The following KCND3 variants were observed in gnomAD, a reference collection of about 807,000 sequenced individuals.
KCND3 encodes A-type voltage-gated potassium channel KCND3.
In KCND3, 9 loss-of-function variants were observed where a neutral mutation model predicts 51.1. The ratio of observed to expected loss-of-function variants is 0.18; its 90% confidence interval spans 0.11 to 0.31. KCND3 has a LOEUF of 0.31. KCND3 is among the 10% of genes least tolerant of loss of function. The probability of loss-of-function intolerance (pLI) is 1.00; values close to 1 mark genes in which losing one functional copy is unlikely to be tolerated. For synonymous variants in KCND3, 349 were observed against 368.0 expected, an observed-to-expected ratio of 0.95 and a Z score of 0.59; for missense variants, 526 against 903.8, an observed-to-expected ratio of 0.58 and a Z score of 5.36.
At chr1:111,870,239 G>T (rs542579140) in intron 2 of KCND3, among the ~76,000 whole-genome samples, 2 of 152,230 alleles carry the variant, frequency 1.3e-5, no homozygotes, top group Non-Finnish European at 2.9e-5. Context: ...TACTGCCACA[G>T]CTCCAACTAA....
chr1:111,917,376 A>G (rs1671268358), intron 2 of KCND3, among the ~76,000 whole-genome samples: 1 of 152,230 alleles, frequency 6.6e-6, no homozygotes, highest in Admixed American at 6.5e-5. Context: ...ACTGAATTAC[A>G]AGGACTGCAC....
intron 2 of KCND3, among the ~76,000 whole-genome samples, chr1:111,895,554 C>A (rs1227715575): frequency 2.0e-5 from 3 of 152,238 alleles, no homozygotes; most frequent in African/African-American, 7.2e-5. Flanking sequence ...ATTTTCTCGT[C>A]CCCGGGGAGC....
At position 111,773,911 on chromosome 1, in the gene KCND3, A is replaced by G. The variant is rs1001963101; in HGVS notation, c.*2166T>C. On this transcript the variant is annotated 3_prime_UTR_variant, in exon 8 of 8. Transcript: ENST00000302127. ...TGTGTATATGAAGTGAATTGATTTA[A>G]GTATGTATTCTCTGATGTGTTTAGG... 22 of 152,068 alleles carry G rather than the reference A, an allele frequency of 1.4e-4. No individual in the cohort carries two copies. The highest frequency in any genetic ancestry group is 5.3e-4 in the African/African-American group (22 of 41,412). The allele number at this position is 152,068 out of a possible 1,614,324, so 9.4% of individuals were successfully genotyped here.
intron 2 of KCND3, among the ~76,000 whole-genome samples, chr1:111,888,597 G>T (rs917453476): frequency 6.7e-6 from 1 of 149,382 alleles, no homozygotes; most frequent in African/African-American, 2.5e-5. Context: ...AAGGAGAATC[G>T]CTTGAACCCA....
chr1:111,849,914 T>A (rs1667730363), intron 2 of KCND3, among the ~76,000 whole-genome samples: 1 of 152,114 alleles, frequency 6.6e-6, no homozygotes, highest in African/African-American at 2.4e-5. Context: ...TGTGACAGGA[T>A]TCTGGATCTG....
chr1:111,951,342 C>T (rs1377788102), intron 2 of KCND3, among the ~76,000 whole-genome samples: 2 of 152,100 alleles, frequency 1.3e-5, no homozygotes, highest in African/African-American at 4.8e-5. Context: ...TTCTCCTGCA[C>T]CACCTTGCCC....
In KCND3 at chr1:111,773,877, C is replaced by T. The variant is rs1329872783; in HGVS notation, c.*2200G>A. Reference sequence around the variant, plus strand: ...TCTAAGTGAAGTTTAGCTTGGTCTTCTAATGAGATGTGTATATGAAGTGAA... The same window carrying T: ...TCTAAGTGAAGTTTAGCTTGGTCTTTTAATGAGATGTGTATATGAAGTGAA... On this transcript the variant is annotated 3_prime_UTR_variant, in exon 8 of 8. Transcript: ENST00000302127. 1 of 152,108 alleles carries T rather than the reference C, an allele frequency of 6.6e-6. No homozygotes were observed. Among genetic ancestry groups the T allele is most frequent in the Non-Finnish European group, 1.5e-5 (1 of 68,024 alleles). 9.4% of individuals were successfully genotyped at this position (152,108 alleles called of 1,614,324 possible).
Position 111,777,192 on chromosome 1 carries a change from G to A in KCND3, c.1600C>T (p.Pro534Ser), listed in dbSNP as rs1447493103. 6.2e-7 allele frequency: 1 copy of A among 1,614,086 alleles called. No individual in the cohort carries two copies. The highest frequency in any genetic ancestry group is 1.3e-5 in the African/African-American group (1 of 74,930). The change falls in exon 7 of 8, where the codon CCC (proline) becomes TCC (serine). Residue 534 changes from proline to serine, a missense_variant. Pro to Ser is a moderately conservative substitution (Grantham distance 74). Transcript: ENST00000302127. ...AGGCCTGGGTGGCTGGACAGTGAGG[G>A]ACTTCTTGTGGATGGGTAGTTCTGC... Reference protein sequence around the residue: ...SMQNYPSTRSPSLSSHPGLTT... With the variant: ...SMQNYPSTRSSSLSSHPGLTT...
At chr1:111,820,376 T>C (rs1255304891) in intron 2 of KCND3, among the ~76,000 whole-genome samples, 1 of 152,248 alleles carries the variant, frequency 6.6e-6, no homozygotes, top group Non-Finnish European at 1.5e-5. Context: ...GTATTTTGCT[T>C]GAACCTCTTC....
intron 2 of KCND3, among the ~76,000 whole-genome samples, chr1:111,959,875 T>G (rs537491975): frequency 4.7e-4 from 72 of 152,190 alleles, no homozygotes; most frequent in Middle Eastern, 3.4e-3. Context: ...AATCCCCATA[T>G]GTTGTGAGAG....
At chr1:111,962,630 A>T (rs1413045750) in intron 2 of KCND3, among the ~76,000 whole-genome samples, 1 of 152,214 alleles carries the variant, frequency 6.6e-6, no homozygotes, top group Non-Finnish European at 1.5e-5. Context: ...GCGAAAGCCT[A>T]TGTGGATGCC....
chr1:111,924,297 T>C (rs1463796806), intron 2 of KCND3, among the ~76,000 whole-genome samples: 1 of 152,210 alleles, frequency 6.6e-6, no homozygotes, highest in African/African-American at 2.4e-5. Flanking sequence ...CACTAAATGC[T>C]GTAATACAGC....
chr1:111,924,427 C>T (rs184732319), intron 2 of KCND3, among the ~76,000 whole-genome samples: 4 of 152,328 alleles, frequency 2.6e-5, no homozygotes, highest in Admixed American at 2.0e-4. Flanking sequence ...CAGGCCTGCA[C>T]AGGTCATCCA....
intron 2 of KCND3, among the ~76,000 whole-genome samples, chr1:111,885,820 C>T (rs900401095): frequency 1.3e-5 from 2 of 151,984 alleles, no homozygotes; most frequent in Admixed American, 6.6e-5. Flanking sequence ...TTACAGGCGC[C>T]TGCCACCATG....
chr1:111,829,409 A>C lies in KCND3; in HGVS notation c.1107-42303T>G, dbSNP rs1272294849. Among the ~76,000 whole-genome samples, 4 of 152,276 alleles carry C rather than the reference A, an allele frequency of 2.6e-5. No individual in the cohort carries two copies. In the East Asian group the frequency reaches 7.7e-4, roughly 29 times the overall value. On this transcript the variant is annotated intron_variant, in intron 2 of 7. Transcript: ENST00000302127. ...AAGGTGAGAGAGCTGGTAGATCATG[A>C]GGCCATGGTAGGTGGGAGCTGAGCA...
chr1:111,877,606 G>A (rs1019190684), intron 2 of KCND3, among the ~76,000 whole-genome samples: 2 of 152,134 alleles, frequency 1.3e-5, no homozygotes, highest in African/African-American at 4.8e-5. Context: ...CGTGCCACAA[G>A]GGTCAACAGC....
At chr1:111,836,374 C>T (rs1211621826) in intron 2 of KCND3, among the ~76,000 whole-genome samples, 1 of 152,214 alleles carries the variant, frequency 6.6e-6, no homozygotes, top group Non-Finnish European at 1.5e-5. Context: ...CACTCCCTCC[C>T]AGTAATCTGA....
intron 2 of KCND3, among the ~76,000 whole-genome samples, chr1:111,959,484 A>C (rs992195778): frequency 1.3e-5 from 2 of 151,986 alleles, no homozygotes; most frequent in Admixed American, 6.5e-5. Flanking sequence ...CTCATCAGGG[A>C]GGGTCTCTCT....
At chr1:111,782,124 G>A (rs1664415714) in intron 3 of KCND3, among the ~76,000 whole-genome samples, 1 of 152,106 alleles carries the variant, frequency 6.6e-6, no homozygotes, top group African/African-American at 2.4e-5. Flanking sequence ...AAGAGTCCTA[G>A]GGAAATTGTG....
Sources: gnomAD v4.1 joint callset for allele counts (sites outside exome capture counted in the v4.1 genomes callset) on GRCh38, gnomAD v4.1.1 for gene constraint, MANE v1.5 for transcripts, NCBI Gene and HGNC (gene_info 2026-07-23, HGNC 2026-07-21) for gene names.